ATP8B1: variants seen among roughly 807,000 people sequenced by gnomAD.
ATP8B1 encodes the protein phospholipid-transporting ATPase IC.
A neutral mutation model predicts 149.9 loss-of-function variants in ATP8B1; 80 were observed. That is an observed-to-expected ratio of 0.53 (90% CI 0.45 to 0.64). ATP8B1 has a LOEUF of 0.64. Ranked by LOEUF, ATP8B1 falls within the 30% of genes least tolerant of loss-of-function variation. The pLI is 0.00. For synonymous variants in ATP8B1, 536 were observed against 562.8 expected (o/e 0.95, Z 0.67); for missense variants, 1,247 against 1,552.6 (o/e 0.80, Z 3.31).
intron 1 of ATP8B1, among the ~76,000 whole-genome samples, chr18:57,761,852 A>G (rs2080161054): frequency 6.8e-6 from 1 of 146,214 alleles, no homozygotes; most frequent in South Asian, 2.3e-4. Context: ...CGGGAGGCTG[A>G]GGCAGGAAAA....
At chr18:57,779,666 G>A (rs982347764) in intron 1 of ATP8B1, among the ~76,000 whole-genome samples, 2 of 152,168 alleles carry the variant, frequency 1.3e-5, no homozygotes, top group Non-Finnish European at 2.9e-5. Flanking sequence ...TTGGGAGGCC[G>A]AGGCGGGTAG....
intron 1 of ATP8B1, among the ~76,000 whole-genome samples, chr18:57,786,010 CATA>C (rs921592457): frequency 3.9e-5 from 6 of 152,204 alleles, no homozygotes; most frequent in African/African-American, 1.4e-4. Flanking sequence ...CCTTCTCTCT[CATA>C]AAACATGTGT....
Position 57,662,592 on chromosome 18 carries a change from T to G in ATP8B1, c.2309A>C (p.Glu770Ala). 1 of 1,614,184 alleles carries G rather than the reference T, an allele frequency of 6.2e-7. No homozygotes were observed. Among genetic ancestry groups the G allele is most frequent in the Non-Finnish European group, 8.5e-7 (1 of 1,180,030 alleles). ...DINSLLHARM[E>A]NQRNRGGVYA... ...GACGCCACCTCTATTCCTCTGGTTT[T>G]CCATCCTTGCATGAAGAAGAGAACT... The change falls in exon 21 of 28, where the codon GAA becomes GCA. Residue 770 changes from glutamate to alanine, a missense_variant. Around this residue, in one of 3 missense-constraint regions of ATP8B1, gnomAD observed 853 missense variants for 1,035.7 expected, o/e 0.82. Coordinates refer to ENST00000648908, the MANE Select transcript of ATP8B1 (RefSeq NM_001374385.1).
chr18:57,676,403 C>A (rs1310419786), intron 15 of ATP8B1, among the ~76,000 whole-genome samples: 1 of 149,192 alleles, frequency 6.7e-6, no homozygotes, highest in East Asian at 1.9e-4. Context: ...GCTATATTCT[C>A]CTTATTAAAA....
Position 57,688,519 on chromosome 18 carries a change from G to T in ATP8B1, c.1221-12C>A. ...GAATCACTTCCACGCTAGGAAGACA[G>T]AAGATTATTTTCCGTAGAGAGCTCG... On this transcript the variant is annotated splice_polypyrimidine_tract_variant and intron_variant, in intron 12 of 27. Transcript: ENST00000648908. The T allele has an allele frequency of 6.2e-7, 1 of 1,613,740 alleles. No homozygotes were observed. The highest frequency in any genetic ancestry group is 8.5e-7 in the Non-Finnish European group (1 of 1,179,628).
intron 1 of ATP8B1, among the ~76,000 whole-genome samples, chr18:57,776,203 C>G (rs915927095): frequency 9.2e-5 from 14 of 151,990 alleles, no homozygotes; most frequent in African/African-American, 3.4e-4. Flanking sequence ...CATTTGGAAC[C>G]GATACTACAC....
At chr18:57,794,836 A>G (rs1408288217) in intron 1 of ATP8B1, among the ~76,000 whole-genome samples, 1 of 148,938 alleles carries the variant, frequency 6.7e-6, no homozygotes, top group Non-Finnish European at 1.5e-5. Context: ...ATGGCATATG[A>G]CTGCCAGCTC....
In ATP8B1 at chr18:57,646,748, C is replaced by CAG. The variant is rs2100140038; in HGVS notation, c.*1738_*1739dup. The CAG allele has an allele frequency of 6.6e-6, 1 of 152,576 alleles. No individual in the cohort carries two copies. Among genetic ancestry groups the CAG allele is most frequent in the African/African-American group, 2.4e-5 (1 of 41,418 alleles). The allele number at this position is 152,576 out of a possible 1,614,324, so 9.5% of individuals were successfully genotyped here. A position where few individuals can be genotyped will look rare whatever the true frequency, so the allele number is the denominator to read the frequency against. On this transcript the variant is annotated 3_prime_UTR_variant, in exon 28 of 28. Coordinates refer to ENST00000648908, the MANE Select transcript of ATP8B1 (RefSeq NM_001374385.1). ...GTAAACGTTCAGGATTTTACTTCCA[C>CAG]AGAATAAAAAGCCATACATTCTTTT...
intron 1 of ATP8B1, among the ~76,000 whole-genome samples, chr18:57,777,795 T>G (rs1205002518): frequency 6.6e-6 from 1 of 152,154 alleles, no homozygotes; most frequent in East Asian, 1.9e-4. Context: ...GTTTCGAACT[T>G]CTGGGCTCAA....
chr18:57,652,394 G>A, intron 25 of ATP8B1, 90 bp downstream of exon 25: 1 of 1,555,312 alleles, frequency 6.4e-7, no homozygotes, highest in Non-Finnish European at 8.9e-7. Flanking sequence ...CAGGTGCAGT[G>A]GGAGTCAGGT....
At chr18:57,744,421 GAAGGA>G (rs1433275582) in intron 1 of ATP8B1, among the ~76,000 whole-genome samples, 1 of 151,394 alleles carries the variant, frequency 6.6e-6, no homozygotes, top group East Asian at 1.9e-4. Context: ...TCTAGAAAAT[GAAGGA>G]AAAAAAAAGT....
chr18:57,683,481 A>G (rs1912084986), intron 15 of ATP8B1, among the ~76,000 whole-genome samples: 1 of 152,254 alleles, frequency 6.6e-6, no homozygotes, highest in Non-Finnish European at 1.5e-5. Flanking sequence ...GGAACCTACA[A>G]GCCATTCTGG....
chr18:57,672,307 T>G (rs532767760), intron 16 of ATP8B1, among the ~76,000 whole-genome samples: 86 of 152,336 alleles, frequency 5.6e-4, no homozygotes, highest in Admixed American at 8.5e-4. Context: ...CCATTTTTTT[T>G]GGGTTTTTTG....
chr18:57,711,588 ATTTC>A (rs894813154), intron 2 of ATP8B1, among the ~76,000 whole-genome samples: 26 of 152,074 alleles, frequency 1.7e-4, no homozygotes, highest in African/African-American at 6.3e-4. Context: ...GGTAACCGTA[ATTTC>A]TTTTTGTCAT....
intron 1 of ATP8B1, among the ~76,000 whole-genome samples, chr18:57,760,907 T>G (rs1248345777): frequency 6.6e-6 from 1 of 151,886 alleles, no homozygotes. Context: ...GAGAATCGCT[T>G]GAACCCAGGA....
At position 57,651,028 on chromosome 18, in the gene ATP8B1, T is replaced by C. The variant is rs144123485; in HGVS notation, c.3401-531A>G. On this transcript the variant is annotated intron_variant, in intron 26 of 27. Transcript: ENST00000648908. Reference sequence around the variant, plus strand: ...GTAAATTATTTGAAACAAGGCAAATTTACATAAGTGAGCAAATAAGGAAAA... The same window carrying C: ...GTAAATTATTTGAAACAAGGCAAATCTACATAAGTGAGCAAATAAGGAAAA... 3.1e-3 allele frequency among the ~76,000 whole-genome samples: 471 copies of C among 152,218 alleles called. 2 individuals carry two copies. Among genetic ancestry groups the C allele is most frequent in the Admixed American group, 3.7e-3 (57 of 15,288 alleles).
At chr18:57,701,410 A>C in intron 4 of ATP8B1, 97 bp from the exon 5 acceptor site, 3 of 1,000,078 alleles carry the variant, frequency 3.0e-6, no homozygotes, top group Non-Finnish European at 4.7e-6. Flanking sequence ...TCCAAGTCTC[A>C]TCACCGTCAT....
At chr18:57,799,342 G>A (rs938510271) in intron 1 of ATP8B1, among the ~76,000 whole-genome samples, 7 of 152,176 alleles carry the variant, frequency 4.6e-5, no homozygotes, top group Admixed American at 3.3e-4. Context: ...ATTTAAAAGT[G>A]CAGTGCATTT....
intron 21 of ATP8B1, among the ~76,000 whole-genome samples, chr18:57,661,671 G>GTA (rs376931501): frequency 1.1e-4 from 3 of 27,908 alleles, no homozygotes; most frequent in Non-Finnish European, 1.5e-4. Context: ...ATGTGTGTAT[G>GTA]TATATACACA....
Sources: allele counts gnomAD v4.1 joint callset (sites outside exome capture counted in the v4.1 genomes callset), GRCh38; gene constraint gnomAD v4.1.1; regional missense constraint gnomAD v4.1.1; transcripts MANE v1.5; gene names NCBI Gene and HGNC (gene_info 2026-07-23, HGNC 2026-07-21).